The following DACH2 variants were observed in gnomAD, a reference collection of about 807,000 sequenced individuals.
DACH2 encodes dachshund family transcription factor 2.
A neutral mutation model predicts 35.8 loss-of-function variants in DACH2; 17 were observed. That is an observed-to-expected ratio of 0.48 (90% CI 0.33 to 0.71). The LOEUF (loss-of-function observed/expected upper bound fraction) is 0.71. DACH2 is among the 30% of genes least tolerant of loss of function. The probability of loss-of-function intolerance (pLI) is 0.02; values close to 1 mark genes in which losing one functional copy is unlikely to be tolerated. For synonymous variants in DACH2, 195 were observed against 177.3 expected (o/e 1.10, Z -0.79); for missense variants, 469 against 472.7 (o/e 0.99, Z 0.07).
chrX:86,347,930 C>T (rs1053203544), intron 1 of DACH2, among the ~76,000 whole-genome samples: 6 of 111,793 alleles, frequency 5.4e-5, no homozygotes, highest in Non-Finnish European at 3.8e-5. Context: ...TCTTATTTTC[C>T]CTCTCAGCTT....
chrX:86,274,887 C>G (rs1404066950), intron 1 of DACH2, among the ~76,000 whole-genome samples: 1 of 111,271 alleles, frequency 9.0e-6, no homozygotes, highest in Non-Finnish European at 1.9e-5. Flanking sequence ...GGAAGAATTA[C>G]TAAAAACAGT....
chrX:86,380,748 C>G (rs984361470), intron 2 of DACH2, among the ~76,000 whole-genome samples: 1 of 110,186 alleles, frequency 9.1e-6, no homozygotes, highest in Non-Finnish European at 1.9e-5. Context: ...CAGTGTGTAT[C>G]ATTGCTGTGT....
intron 7 of DACH2, among the ~76,000 whole-genome samples, chrX:86,751,728 GA>G (rs1207094212): frequency 9.3e-6 from 1 of 107,923 alleles, no homozygotes; most frequent in Non-Finnish European, 1.9e-5. Context: ...AAGGAAATAG[GA>G]AAAAAAAAGA....
chrX:86,393,934 G>A (rs2148121052), intron 2 of DACH2, among the ~76,000 whole-genome samples: 1 of 98,427 alleles, frequency 1.0e-5, no homozygotes, highest in East Asian at 3.9e-4. Context: ...ATAAATGGTA[G>A]CTATTTTATT....
chrX:86,713,443 A>G (rs1256705612), intron 5 of DACH2, among the ~76,000 whole-genome samples: 1 of 111,578 alleles, frequency 9.0e-6, no homozygotes, highest in Non-Finnish European at 1.9e-5. Context: ...TACCAAGAGT[A>G]AAAAAGGACG....
At chrX:86,228,271 C>T (rs749558597) in intron 1 of DACH2, among the ~76,000 whole-genome samples, 39 of 110,664 alleles carry the variant, frequency 3.5e-4, no homozygotes, top group South Asian at 2.7e-3. Flanking sequence ...CTAATCTCAT[C>T]CTGGTCATTG....
At chrX:86,731,889 A>G (rs2041536217) in intron 6 of DACH2, among the ~76,000 whole-genome samples, 1 of 112,320 alleles carries the variant, frequency 8.9e-6, no homozygotes, top group African/African-American at 3.2e-5. Flanking sequence ...GATTTAAATA[A>G]TTAACAATGC....
chrX:86,774,863 G>A (rs962588438), intron 7 of DACH2, among the ~76,000 whole-genome samples: 1 of 111,828 alleles, frequency 8.9e-6, no homozygotes, highest in African/African-American at 3.2e-5. Flanking sequence ...TTAGGCAACA[G>A]GGCTTTTATT....
intron 3 of DACH2, among the ~76,000 whole-genome samples, chrX:86,649,339 C>T: frequency 9.0e-6 from 1 of 110,899 alleles, no homozygotes; most frequent in Middle Eastern, 4.6e-3. Flanking sequence ...CAGTAATTAT[C>T]ATAGCCAGGA....
intron 2 of DACH2, among the ~76,000 whole-genome samples, chrX:86,407,251 C>T (rs1280920050): frequency 4.5e-5 from 5 of 111,959 alleles, no homozygotes; most frequent in Non-Finnish European, 9.4e-5. Context: ...GCCAGTTTCT[C>T]TGTGACCTTT....
chrX:86,435,093 T>C (rs1480732379), intron 2 of DACH2, among the ~76,000 whole-genome samples: 1 of 111,165 alleles, frequency 9.0e-6, no homozygotes, highest in African/African-American at 3.3e-5. Context: ...ATCTCCAGCA[T>C]TGGGGATTAC....
chrX:86,339,756 AG>A (rs2035381828), intron 1 of DACH2, among the ~76,000 whole-genome samples: 2 of 112,026 alleles, frequency 1.8e-5, no homozygotes, highest in Non-Finnish European at 1.9e-5. Flanking sequence ...GGAAGGAAAA[AG>A]TCTGAAGATC....
intron 1 of DACH2, among the ~76,000 whole-genome samples, chrX:86,212,328 T>C (rs2032463396): frequency 9.0e-6 from 1 of 111,697 alleles, no homozygotes; most frequent in South Asian, 3.7e-4. Flanking sequence ...CTAATTAAAC[T>C]ATTTTATGTA....
chrX:86,441,084 GGT>G (rs1178855016), intron 2 of DACH2, among the ~76,000 whole-genome samples: 1 of 111,118 alleles, frequency 9.0e-6, no homozygotes, highest in Non-Finnish European at 1.9e-5. Context: ...GTAAATGGTA[GGT>G]GTATATATTT....
At chrX:86,776,460 A>G (rs987925136) in intron 7 of DACH2, among the ~76,000 whole-genome samples, 2 of 112,125 alleles carry the variant, frequency 1.8e-5, no homozygotes, top group Admixed American at 9.5e-5. Context: ...CCATAGTACC[A>G]CATATAGTTT....
intron 1 of DACH2, among the ~76,000 whole-genome samples, chrX:86,293,856 A>AT (rs2034372076): frequency 9.1e-6 from 1 of 109,686 alleles, no homozygotes; most frequent in African/African-American, 3.3e-5. Flanking sequence ...TGCCCTTAAC[A>AT]TTTTTTCCTT....
At chrX:86,659,193 T>C (rs2040577714) in intron 4 of DACH2, among the ~76,000 whole-genome samples, 1 of 110,757 alleles carries the variant, frequency 9.0e-6, no homozygotes, top group Non-Finnish European at 1.9e-5. Context: ...GGTTTTTTTT[T>C]CTGATAGAAT....
rs371432322 is a variant in DACH2 at position 86,778,765 on chromosome X, T to C, written c.1241-34091T>C. Among the ~76,000 whole-genome samples, 574 of 110,466 alleles carry C rather than the reference T, an allele frequency of 5.2e-3. 1 individual carries two copies. Among genetic ancestry groups the C allele is most frequent in the African/African-American group, 0.018 (552 of 30,289 alleles). On this transcript the variant is annotated intron_variant, in intron 7 of 11. Coordinates refer to ENST00000373125, the MANE Select transcript of DACH2 (RefSeq NM_053281.3). Reference sequence around the variant, plus strand: ...AGCTGGGTTTACAGGCACCTGCCACTGCACCCAACTAATTTTTGTTTTTTT... The same window carrying C: ...AGCTGGGTTTACAGGCACCTGCCACCGCACCCAACTAATTTTTGTTTTTTT...
Position 86,814,749 on chromosome X carries a change from G to T in DACH2, c.1599G>T (p.Leu533Phe), listed in dbSNP as rs1207831371. 2.5e-6 allele frequency: 3 copies of T among 1,211,397 alleles called. No individual in the cohort carries two copies. The highest frequency in any genetic ancestry group is 2.2e-5 in the Admixed American group (1 of 45,976). ...CCAAGAGAAAATTGCAGGAAGCCTT[G>T]GAATTTGAATCAAAGCGCCGGGAGC... ...KKTKRKLQEA[L>F]EFESKRREQV... The change falls in exon 10 of 12, where the codon TTG becomes TTT. Residue 533 changes from leucine to phenylalanine, a missense_variant. Leu to Phe is a conservative substitution (Grantham distance 22). This residue lies in a region of DACH2 where 363 missense variants were observed against 334.4 expected (regional missense o/e 1.09). Coordinates refer to ENST00000373125, the MANE Select transcript of DACH2 (RefSeq NM_053281.3).
Sources: gnomAD v4.1 joint callset for allele counts (sites outside exome capture counted in the v4.1 genomes callset) on GRCh38, gnomAD v4.1.1 for gene constraint, gnomAD v4.1.1 regional missense constraint, MANE v1.5 for transcripts, NCBI Gene and HGNC (gene_info 2026-07-23, HGNC 2026-07-21) for gene names.